PCDH11X: variants seen among roughly 807,000 people sequenced by gnomAD.
PCDH11X encodes the protein protocadherin-11 X-linked.
Under a neutral mutation model 53.3 loss-of-function variants are expected in PCDH11X, and 18 were observed. The observed-to-expected ratio is 0.34, with a 90% confidence interval of 0.23 to 0.50. PCDH11X has a LOEUF of 0.50. Ranked by LOEUF, PCDH11X falls within the 20% of genes least tolerant of loss-of-function variation. PCDH11X has a pLI of 0.98. For missense variants in PCDH11X, 570 were observed against 1,032.4 expected (o/e 0.55, Z 6.14); for synonymous variants, 279 against 393.3 (o/e 0.71, Z 3.44).
chrX:92,546,245 G>T (rs2074852597), intron 10 of PCDH11X, among the ~76,000 whole-genome samples: 1 of 110,963 alleles, frequency 9.0e-6, no homozygotes, highest in African/African-American at 3.3e-5. Context: ...TTATTCAGTT[G>T]TGGAACAAAG....
intron 10 of PCDH11X, among the ~76,000 whole-genome samples, chrX:92,505,664 A>T (rs1420300572): frequency 1.8e-5 from 2 of 110,741 alleles, no homozygotes; most frequent in Non-Finnish European, 3.8e-5. Context: ...TTTGCCTAGG[A>T]TTGCTTTAGT....
At chrX:92,041,754 G>A (rs1057486738) in intron 6 of PCDH11X, among the ~76,000 whole-genome samples, 6 of 111,768 alleles carry the variant, frequency 5.4e-5, no homozygotes, top group African/African-American at 1.3e-4. Context: ...GGCAGATTAC[G>A]AGCTCAGGAG....
intron 10 of PCDH11X, chrX:92,569,883 G>A (rs1921982100): frequency 1.7e-5 from 2 of 119,390 alleles, no homozygotes; most frequent in Non-Finnish European, 3.4e-5. Flanking sequence ...ATGTGTGGTA[G>A]TGCGCACCTG....
At chrX:92,397,527 G>A (rs2071275238) in intron 9 of PCDH11X, among the ~76,000 whole-genome samples, 1 of 108,517 alleles carries the variant, frequency 9.2e-6, no homozygotes, top group South Asian at 4.2e-4. Flanking sequence ...TAGTGCAGTG[G>A]CGTGATCTCA....
chrX:92,511,904 T>C (rs1459815764), intron 10 of PCDH11X, among the ~76,000 whole-genome samples: 8 of 108,773 alleles, frequency 7.4e-5, no homozygotes, highest in Non-Finnish European at 1.3e-4. Context: ...CTCTAGCTTC[T>C]TGATGGCAAA....
chrX:92,139,193 C>G (rs1425673390), intron 6 of PCDH11X, among the ~76,000 whole-genome samples: 3 of 106,409 alleles, frequency 2.8e-5, no homozygotes, highest in Non-Finnish European at 5.8e-5. Context: ...TCTACAGATA[C>G]CATTTGGAAT....
chrX:92,511,854 G>A (rs1472662341), intron 10 of PCDH11X, among the ~76,000 whole-genome samples: 3 of 110,610 alleles, frequency 2.7e-5, no homozygotes, highest in Admixed American at 1.9e-4. Flanking sequence ...AGGAACTTCC[G>A]CATTTCTGGA....
chrX:92,415,079 C>T (rs1437456202), intron 9 of PCDH11X, among the ~76,000 whole-genome samples: 4 of 111,097 alleles, frequency 3.6e-5, no homozygotes, highest in Admixed American at 9.6e-5. Context: ...TTGATAGAAA[C>T]GTCATACTTT....
rs7876094 is a variant in PCDH11X at position 91,883,662 on chromosome X, T to A, written c.3033+4389T>A. 0.017 allele frequency: 8,203 copies of A among 493,591 alleles called. 632 individuals are homozygous for A. The African/African-American group carries it at 0.21, about 12-fold the overall frequency. The allele number at this position is 493,591 out of a possible 1,213,427, so 40.7% of individuals were successfully genotyped here. A position where few individuals can be genotyped will look rare whatever the true frequency, so the allele number is the denominator to read the frequency against. On this transcript the variant is annotated intron_variant, in intron 6 of 10. Coordinates refer to ENST00000682573, the MANE Select transcript of PCDH11X (RefSeq NM_032968.5). The stretch of plus-strand genomic sequence containing the variant: ...CCACTAAAAATACAAAAAATTAGCC[T>A]GGCGTGGTGGCGGGCGCCTGTAGTC...
intron 4 of PCDH11X, among the ~76,000 whole-genome samples, chrX:91,833,366 C>T (rs2147613020): frequency 9.1e-6 from 1 of 109,704 alleles, no homozygotes; most frequent in Admixed American, 9.8e-5. Flanking sequence ...ACCTTCATAA[C>T]AGAGTATAAA....
chrX:92,045,474 C>T (rs1163710481), intron 6 of PCDH11X, among the ~76,000 whole-genome samples: 1 of 106,369 alleles, frequency 9.4e-6, no homozygotes, highest in Non-Finnish European at 1.9e-5. Context: ...ATTAAAGGCA[C>T]TAACACAGGA....
intron 7 of PCDH11X, 150 bp from the exon 8 acceptor site, chrX:92,262,964 A>C: frequency 9.7e-7 from 1 of 1,034,416 alleles, no homozygotes; most frequent in South Asian, 2.9e-5. Flanking sequence ...TCAGCAGAAA[A>C]ACAAAGCTGT....
intron 8 of PCDH11X, among the ~76,000 whole-genome samples, chrX:92,314,367 C>T (rs1209681190): frequency 9.0e-6 from 1 of 111,381 alleles, no homozygotes; most frequent in African/African-American, 3.3e-5. Context: ...GCTGTCATCT[C>T]TTATGATAAC....
At chrX:91,806,793 C>T (rs764645022) in intron 1 of PCDH11X, among the ~76,000 whole-genome samples, 2 of 111,558 alleles carry the variant, frequency 1.8e-5, no homozygotes, top group East Asian at 2.8e-4. Flanking sequence ...TGTGGTTTTC[C>T]CTTATTGACT....
At chrX:92,075,338 A>G (rs2063758848) in intron 6 of PCDH11X, among the ~76,000 whole-genome samples, 1 of 109,490 alleles carries the variant, frequency 9.1e-6, no homozygotes, top group East Asian at 2.9e-4. Flanking sequence ...AGAAACAGCA[A>G]TTTGGCAGGT....
chrX:92,183,477 G>A (rs957542268), intron 6 of PCDH11X, among the ~76,000 whole-genome samples: 5 of 110,890 alleles, frequency 4.5e-5, no homozygotes, highest in African/African-American at 9.8e-5. Context: ...GGCTGGTCTT[G>A]AACTCCTGAC....
intron 6 of PCDH11X, among the ~76,000 whole-genome samples, chrX:92,040,655 G>C (rs898768122): frequency 1.8e-5 from 2 of 110,930 alleles, no homozygotes; most frequent in African/African-American, 6.7e-5. Flanking sequence ...TTGCTAACCT[G>C]ATTTTTGACC....
chrX:92,519,807 A>C (rs976688855), intron 10 of PCDH11X, among the ~76,000 whole-genome samples: 2 of 105,646 alleles, frequency 1.9e-5, no homozygotes, highest in Non-Finnish European at 3.9e-5. Context: ...TTTTAATAGT[A>C]AAAGCCCCCA....
chrX:91,928,543 G>A (rs1289138452), intron 6 of PCDH11X, among the ~76,000 whole-genome samples: 1 of 97,082 alleles, frequency 1.0e-5, no homozygotes, highest in African/African-American at 3.7e-5. Context: ...TTTTTTAACA[G>A]AAGTTTTTCC....
Sources: gnomAD v4.1 joint callset for allele counts (sites outside exome capture counted in the v4.1 genomes callset) on GRCh38, gnomAD v4.1.1 for gene constraint, MANE v1.5 for transcripts, NCBI Gene and HGNC (gene_info 2026-07-23, HGNC 2026-07-21) for gene names.